The following A4GALT variants were observed in gnomAD, a reference collection of about 807,000 sequenced individuals.
A4GALT encodes the protein lactosylceramide 4-alpha-galactosyltransferase.
For missense variants in A4GALT, 512 were observed against 486.0 expected (o/e 1.05, Z -0.50); for synonymous variants, 257 against 220.7 (o/e 1.16, Z -1.46).
intron 1 of A4GALT, among the ~76,000 whole-genome samples, chr22:42,706,183 G>A (rs190849339): frequency 0.03 from 1,999 of 67,068 alleles, 435 homozygotes; most frequent in Non-Finnish European, 0.056. Flanking sequence ...GTGAAACCCC[G>A]TCTCTACTAA....
At chr22:42,716,370 A>G (rs1271489580) in intron 1 of A4GALT, among the ~76,000 whole-genome samples, 1 of 152,176 alleles carries the variant, frequency 6.6e-6, no homozygotes, top group Non-Finnish European at 1.5e-5. Context: ...AACATTTATT[A>G]AAAGCTCACT....
intron 1 of A4GALT, among the ~76,000 whole-genome samples, chr22:42,717,910 T>G (rs1193269519): frequency 6.6e-6 from 1 of 152,178 alleles, no homozygotes; most frequent in Non-Finnish European, 1.5e-5. Context: ...ACCTGGCTTC[T>G]CGTACTCTGA....
At chr22:42,709,796 T>TA (rs942057099) in intron 1 of A4GALT, among the ~76,000 whole-genome samples, 34 of 151,100 alleles carry the variant, frequency 2.3e-4, no homozygotes, top group East Asian at 7.8e-4. Context: ...TCTCAAAAAA[T>TA]AAAAAAAATA....
In A4GALT at chr22:42,693,683, G is replaced by T; in HGVS notation, c.269C>A (p.Pro90His). ...FFLETSDRTN[P>H]NFLFMCSVES... is the part of the protein sequence containing the mutation. ...CACCGAGCACATGAACAGGAAGTTG[G>T]GGTTGGTCCGGTCTGAAGTCTCCAG... is the stretch of plus-strand genomic sequence containing the variant. Residue 90 changes from proline (P) to histidine (H), a missense_variant, in exon 3 of 3, where the codon CCC becomes CAC. Transcript: ENST00000642412. 6.2e-7 allele frequency: 1 copy of T among 1,612,864 alleles called. No homozygotes were observed.
intron 1 of A4GALT, among the ~76,000 whole-genome samples, chr22:42,711,930 G>A (rs1020251733): frequency 4.6e-5 from 7 of 152,096 alleles, no homozygotes; most frequent in Non-Finnish European, 7.4e-5. Context: ...GTCTCAGTAC[G>A]TATTTTTTTG....
intron 1 of A4GALT, among the ~76,000 whole-genome samples, chr22:42,702,975 C>T (rs1920933160): frequency 8.7e-6 from 1 of 115,060 alleles, no homozygotes; most frequent in Non-Finnish European, 1.7e-5. Flanking sequence ...GGCACTCAGG[C>T]CGGGGTACAT....
At chr22:42,714,414 C>G (rs557773690) in intron 1 of A4GALT, among the ~76,000 whole-genome samples, 1 of 151,394 alleles carries the variant, frequency 6.6e-6, no homozygotes, top group Admixed American at 6.6e-5. Context: ...ATAGTGAAAC[C>G]CCGTTTCTTC....
At chr22:42,716,926 G>C (rs558174789) in intron 1 of A4GALT, among the ~76,000 whole-genome samples, 1 of 152,322 alleles carries the variant, frequency 6.6e-6, no homozygotes, top group South Asian at 2.1e-4. Context: ...TTCCTGTTTC[G>C]CTCTCATGTG....
Position 42,692,589 on chromosome 22 carries a change from C to T in A4GALT, c.*301G>A, listed in dbSNP as rs1360028402. On this transcript the variant is annotated 3_prime_UTR_variant, in exon 3 of 3. Coordinates refer to ENST00000642412, the MANE Select transcript of A4GALT (RefSeq NM_017436.7). This position sits in a 1 kb window ranked among gnomAD's most constrained non-coding sequence, Gnocchi z 4.6. ...CCTCTGTCCCAACTGCCTGGCTTTCCGCACCACCTGGGGGTGCCCTGAGGT... is the reference window on the plus strand; with the variant it reads ...CCTCTGTCCCAACTGCCTGGCTTTCTGCACCACCTGGGGGTGCCCTGAGGT... The T allele has an allele frequency of 7.5e-6, 4 of 534,028 alleles. No homozygotes were observed. Among genetic ancestry groups the T allele is most frequent in the Non-Finnish European group, 1.4e-5 (4 of 277,200 alleles). 33.1% of individuals were successfully genotyped at this position (534,028 alleles called of 1,614,324 possible). A position where few individuals can be genotyped will look rare whatever the true frequency, so the allele number is the denominator to read the frequency against.
intron 1 of A4GALT, among the ~76,000 whole-genome samples, chr22:42,720,350 C>G (rs1389452518): frequency 6.6e-6 from 1 of 152,214 alleles, no homozygotes; most frequent in Non-Finnish European, 1.5e-5. Context: ...TCCCCGTCCC[C>G]GGTCGCATCC....
chr22:42,702,804 G>A (rs534711465), intron 1 of A4GALT, among the ~76,000 whole-genome samples: 2 of 143,814 alleles, frequency 1.4e-5, no homozygotes, highest in Non-Finnish European at 3.0e-5. Flanking sequence ...TTCACTTGCC[G>A]AGGACGCACC....
At chr22:42,709,178 G>A (rs1232418754) in intron 1 of A4GALT, among the ~76,000 whole-genome samples, 1 of 150,626 alleles carries the variant, frequency 6.6e-6, no homozygotes, top group Non-Finnish European at 1.5e-5. Context: ...TCCCACCTCA[G>A]CCTCCTGAGT....
At position 42,693,394 on chromosome 22, in the gene A4GALT, G is replaced by C. The variant is rs139550090; in HGVS notation, c.558C>G (p.Phe186Leu). Residue 186 changes from phenylalanine (F) to leucine (L), a missense_variant, in exon 3 of 3, where the codon TTC becomes TTG. By Grantham distance (22) the Phe-to-Leu change is conservative. Coordinates refer to ENST00000642412, the MANE Select transcript of A4GALT (RefSeq NM_017436.7). The part of the protein sequence containing the change: ...DASRIALMWK[F>L]GGIYLDTDFI... ...AGTCCGTGTCCAGGTAGATGCCGCCGAACTTCCACATGAGTGCGATCCTGG... is the reference window on the plus strand; with the variant it reads ...AGTCCGTGTCCAGGTAGATGCCGCCCAACTTCCACATGAGTGCGATCCTGG... 16 of 1,613,252 alleles carry C rather than the reference G, an allele frequency of 9.9e-6. No homozygotes were observed. The highest frequency in any genetic ancestry group is 1.3e-5 in the Non-Finnish European group (15 of 1,180,014).
At chr22:42,714,025 C>T (rs372698056) in intron 1 of A4GALT, among the ~76,000 whole-genome samples, 4 of 150,642 alleles carry the variant, frequency 2.7e-5, no homozygotes, top group Admixed American at 6.6e-5. Flanking sequence ...GGCACAGTGG[C>T]GCATGCCTGT....
chr22:42,701,400 AG>A (rs1195840291), intron 1 of A4GALT, among the ~76,000 whole-genome samples: 2 of 152,136 alleles, frequency 1.3e-5, no homozygotes, highest in East Asian at 3.9e-4. Context: ...GGCCAGGGTG[AG>A]GTAGAAAGGA....
chr22:42,711,704 G>A (rs1330708422), intron 1 of A4GALT, among the ~76,000 whole-genome samples: 2 of 152,040 alleles, frequency 1.3e-5, no homozygotes, highest in African/African-American at 4.8e-5. Flanking sequence ...CATGATCTTG[G>A]CTCACTACAA....
intron 1 of A4GALT, among the ~76,000 whole-genome samples, chr22:42,703,259 G>GTTTTTTTTTTTTTTTT (rs59690136): frequency 1.5e-5 from 2 of 131,748 alleles, no homozygotes; most frequent in African/African-American, 5.8e-5. Context: ...GTTTGTTTTT[G>GTTTTTTTTTTTTTTTT]TTTTTTTTTT....
chr22:42,720,958 G>A (rs1395175834), upstream of A4GALT: 1 of 147,068 alleles, frequency 6.8e-6, no homozygotes, highest in East Asian at 2.1e-4. Flanking sequence ...CCTACCCTGC[G>A]GGTCCCGGTC....
chr22:42,714,103 G>C (rs941197267), intron 1 of A4GALT, among the ~76,000 whole-genome samples: 1 of 151,746 alleles, frequency 6.6e-6, no homozygotes, highest in African/African-American at 2.4e-5. Context: ...GAAACATAGG[G>C]AGACCACATC....
Sources: gnomAD v4.1 joint callset for allele counts (sites outside exome capture counted in the v4.1 genomes callset) on GRCh38, gnomAD v4.1.1 for gene constraint, Gnocchi (gnomAD v3.1) non-coding constraint, MANE v1.5 for transcripts, NCBI Gene and HGNC (gene_info 2026-07-23, HGNC 2026-07-21) for gene names.